Variants in PCDHGA5 observed in about 807,000 individuals in gnomAD.
The protein encoded by PCDHGA5 is protocadherin gamma-A5.
Under a neutral mutation model 56.7 loss-of-function variants are expected in PCDHGA5, and 36 were observed. The ratio of observed to expected loss-of-function variants is 0.64; its 90% CI spans 0.49 to 0.84. The LOEUF is 0.84. Ranked by LOEUF, PCDHGA5 falls within the 40% of genes least tolerant of loss-of-function variation. The pLI, the probability that PCDHGA5 is intolerant of heterozygous loss-of-function variation, is 0.00. For missense variants in PCDHGA5, 1,305 were observed against 1,201.5 expected, an observed-to-expected ratio of 1.09 and a Z score of -1.27; for synonymous variants, 563 against 520.2, an observed-to-expected ratio of 1.08 and a Z score of -1.12.
At chr5:141,503,736 T>C (rs1381045077) in intron 2 of PCDHGA5, among the ~76,000 whole-genome samples, 4 of 152,202 alleles carry the variant, frequency 2.6e-5, no homozygotes, top group African/African-American at 9.6e-5. Context: ...TTTGTTGTGA[T>C]GGTATAGAGG....
chr5:141,423,273 G>C, intron 1 of PCDHGA5: 2 of 1,613,896 alleles, frequency 1.2e-6, no homozygotes, highest in Non-Finnish European at 1.7e-6. Flanking sequence ...TCGAGTCTCT[G>C]GCTAACTCTG....
rs1264017483 is a variant in PCDHGA5 at position 141,477,989 on chromosome 5, A to G, written c.2422-16818A>G. The G allele has an allele frequency of 5.6e-6, 9 of 1,614,086 alleles. No individual in the cohort carries two copies. The highest frequency in any genetic ancestry group is 1.6e-4 in the Middle Eastern group (1 of 6,062). On this transcript the variant is annotated intron_variant, in intron 1 of 3. Coordinates refer to ENST00000518069, the MANE Select transcript of PCDHGA5 (RefSeq NM_018918.3). The surrounding 1 kb of genome is among the most constrained non-coding windows in gnomAD (Gnocchi z 4.9). ...GAGCCTTTTTGCCATAGGGCTGCACACTGGTCAAATCAGTACTGCCCGTCC... is the reference window on the plus strand; with the variant it reads ...GAGCCTTTTTGCCATAGGGCTGCACGCTGGTCAAATCAGTACTGCCCGTCC...
intron 1 of PCDHGA5, chr5:141,388,760 G>T: frequency 6.2e-7 from 1 of 1,613,930 alleles, no homozygotes; most frequent in Non-Finnish European, 8.5e-7. Flanking sequence ...AATTTGACCT[G>T]AACTCTAACA....
At chr5:141,501,147 G>A (rs1166199034) in intron 2 of PCDHGA5, among the ~76,000 whole-genome samples, 1 of 152,142 alleles carries the variant, frequency 6.6e-6, no homozygotes, top group Non-Finnish European at 1.5e-5. Context: ...GATTACAGGT[G>A]GGAGCCACCA....
Position 141,477,464 on chromosome 5 carries a change from A to G in PCDHGA5, c.2422-17343A>G. The G allele has an allele frequency of 1.2e-6, 2 of 1,614,188 alleles. No homozygotes were observed. The highest frequency in any genetic ancestry group is 1.7e-6 in the Non-Finnish European group (2 of 1,180,034). On this transcript the variant is annotated intron_variant, in intron 1 of 3. Coordinates refer to ENST00000518069, the MANE Select transcript of PCDHGA5 (RefSeq NM_018918.3). This position sits in a 1 kb window ranked among gnomAD's most constrained non-coding sequence, Gnocchi z 4.9. ...AATAGTGCGTGTTCAAGTGTCCGAC[A>G]TCAATGACAACCCTCCACAATCTTC...
chr5:141,428,180 C>A, intron 1 of PCDHGA5: 1 of 1,486,268 alleles, frequency 6.7e-7, no homozygotes, highest in Non-Finnish European at 9.2e-7. Flanking sequence ...TGACGGAGGA[C>A]AGCCGCCGCT....
At chr5:141,389,918 C>T (rs1341057088) in intron 1 of PCDHGA5, 1 of 1,614,086 alleles carries the variant, frequency 6.2e-7, no homozygotes, top group Non-Finnish European at 8.5e-7. Context: ...ACCGCCCCGA[C>T]CCCTCTGACC....
Position 141,490,667 on chromosome 5 carries a change from T to C in PCDHGA5, c.2422-4140T>C, listed in dbSNP as rs906656199. The stretch of plus-strand genomic sequence containing the variant: ...CCTCCGGGCTCCCTTCTTTGCACTG[T>C]GGCTGCCTCAGATCCAGACACTGGG... On this transcript the variant is annotated intron_variant, in intron 1 of 3. Transcript: ENST00000518069. This position sits in a 1 kb window ranked among gnomAD's most constrained non-coding sequence, Gnocchi z 5.4. The C allele has an allele frequency of 6.8e-6, 11 of 1,614,206 alleles. 1 individual carries two copies. The highest frequency in any genetic ancestry group is 4.5e-5 in the East Asian group (2 of 44,876).
At chr5:141,389,236 C>G (rs1360916753) in intron 1 of PCDHGA5, 1 of 1,614,054 alleles carries the variant, frequency 6.2e-7, no homozygotes, top group Non-Finnish European at 8.5e-7. Context: ...CCGGTTTTCT[C>G]ACAGTCTTCC....
At chr5:141,395,151 A>G in intron 1 of PCDHGA5, 1 of 1,612,516 alleles carries the variant, frequency 6.2e-7, no homozygotes, top group Non-Finnish European at 8.5e-7. Flanking sequence ...AGACATGCTC[A>G]TCAGTCAGGA....
At chr5:141,488,268 C>T (rs1371050827) in intron 1 of PCDHGA5, among the ~76,000 whole-genome samples, 1 of 152,170 alleles carries the variant, frequency 6.6e-6, no homozygotes, top group East Asian at 1.9e-4. Context: ...GCGGGTTGGT[C>T]ATCACCTTTG....
At chr5:141,403,116 A>G (rs1313523426) in intron 1 of PCDHGA5, 6 of 1,614,042 alleles carry the variant, frequency 3.7e-6, no homozygotes, top group Non-Finnish European at 5.1e-6. Flanking sequence ...CTGGCTCTGG[A>G]GCCCCGGGAG....
chr5:141,432,061 G>T lies in PCDHGA5; in HGVS notation c.2422-62746G>T. On this transcript the variant is annotated intron_variant, in intron 1 of 3. Coordinates refer to ENST00000518069, the MANE Select transcript of PCDHGA5 (RefSeq NM_018918.3). The surrounding 1 kb of genome is among the most constrained non-coding windows in gnomAD (Gnocchi z 6.0). ...ACCGGGGAACCCCGCCCCTATCCAC[G>T]GAAACTCATATCTCGCTGAACGTGG... 1.9e-6 allele frequency: 3 copies of T among 1,614,130 alleles called. No homozygotes were observed. The highest frequency in any genetic ancestry group is 2.5e-6 in the Non-Finnish European group (3 of 1,180,034).
At chr5:141,438,914 C>T (rs1249997741) in intron 1 of PCDHGA5, among the ~76,000 whole-genome samples, 1 of 151,906 alleles carries the variant, frequency 6.6e-6, no homozygotes, top group Non-Finnish European at 1.5e-5. Flanking sequence ...GATCCACCTG[C>T]CTTGGCCTCC....
intron 1 of PCDHGA5, among the ~76,000 whole-genome samples, chr5:141,433,497 C>G (rs2097615154): frequency 6.6e-6 from 1 of 152,076 alleles, no homozygotes; most frequent in Non-Finnish European, 1.5e-5. Flanking sequence ...CCCTCCCAAA[C>G]TGCTGGGATT....
In PCDHGA5 at chr5:141,375,076, G is replaced by A. The variant is rs1338311528; in HGVS notation, c.2421+8325G>A. 6 of 1,613,892 alleles carry A rather than the reference G, an allele frequency of 3.7e-6. No homozygotes were observed. In the African/African-American group the frequency reaches 5.3e-5, roughly 14 times the overall value. On this transcript the variant is annotated intron_variant, in intron 1 of 3. Coordinates refer to ENST00000518069, the MANE Select transcript of PCDHGA5 (RefSeq NM_018918.3). Reference sequence around the variant, plus strand: ...ATGGGCCAGGTCTTCGAGACAGAGCGAAAGTCTTAATAACTATCTTGGATG... The same window carrying A: ...ATGGGCCAGGTCTTCGAGACAGAGCAAAAGTCTTAATAACTATCTTGGATG...
chr5:141,497,892 C>T (rs2099780275), intron 2 of PCDHGA5, among the ~76,000 whole-genome samples: 1 of 152,138 alleles, frequency 6.6e-6, no homozygotes, highest in Admixed American at 6.6e-5. Flanking sequence ...AGGATCTAGT[C>T]CAGTAACTTC....
At chr5:141,415,739 GGTTTTTTTT>G in intron 1 of PCDHGA5, 5 of 434,942 alleles carry the variant, frequency 1.1e-5, no homozygotes, top group African/African-American at 9.8e-5. Context: ...TGTTTATTAA[GGTTTTTTTT>G]TTTTTTTTTT....
rs1280755615 is a variant in PCDHGA5, at chr5:141,431,629, A to G, written c.2422-63178A>G. 1 of 1,614,246 alleles carries G rather than the reference A, an allele frequency of 6.2e-7. No individual in the cohort carries two copies. ...GGTATGTGGACGACAAGGCGGCCCA[A>G]GTTTTCAAACTAGATTGTAATTCAG... On this transcript the variant is annotated intron_variant, in intron 1 of 3. Transcript: ENST00000518069. The surrounding 1 kb of genome is among the most constrained non-coding windows in gnomAD (Gnocchi z 4.8).
Sources: gnomAD v4.1 joint callset for allele counts (sites outside exome capture counted in the v4.1 genomes callset) on GRCh38, gnomAD v4.1.1 for gene constraint, Gnocchi (gnomAD v3.1) non-coding constraint, MANE v1.5 for transcripts, NCBI Gene and HGNC (gene_info 2026-07-23, HGNC 2026-07-21) for gene names.